Variants in CFAP61 observed in about 807,000 individuals in gnomAD.
CFAP61 encodes cilia and flagella associated protein 61.
Under a neutral mutation model 135.6 loss-of-function variants are expected in CFAP61, and 107 were observed. The ratio of observed to expected loss-of-function variants is 0.79; its 90% CI spans 0.67 to 0.93. The LOEUF is 0.93. Among genes scored for constraint, CFAP61 ranks in the 40% least tolerant of loss-of-function variants. CFAP61 has a pLI of 0.00. For missense variants in CFAP61, 1,507 were observed against 1,556.2 expected, an observed-to-expected ratio of 0.97 and a Z score of 0.53; for synonymous variants, 575 against 578.5, an observed-to-expected ratio of 0.99 and a Z score of 0.09.
At chr20:20,085,467 A>G in intron 6 of CFAP61, 1 of 1,366,598 alleles carries the variant, frequency 7.3e-7, no homozygotes, top group Non-Finnish European at 9.8e-7. Context: ...GAAAGGGCTT[A>G]AGAGAGAGCC....
At chr20:20,158,346 T>C (rs1250899510) in intron 9 of CFAP61, among the ~76,000 whole-genome samples, 2 of 78,488 alleles carry the variant, frequency 2.5e-5, no homozygotes, top group African/African-American at 1.1e-4. Context: ...CAAGTGGACC[T>C]TTGAAAAAAA....
At chr20:20,312,288 G>A (rs1178946338) in intron 25 of CFAP61, among the ~76,000 whole-genome samples, 5 of 152,182 alleles carry the variant, frequency 3.3e-5, no homozygotes, top group African/African-American at 1.2e-4. Flanking sequence ...TGCATTCCAT[G>A]TGATTAAAAA....
intron 21 of CFAP61, chr20:20,265,501 T>G: frequency 1.3e-6 from 1 of 779,658 alleles, no homozygotes; most frequent in Non-Finnish European, 2.4e-6. Flanking sequence ...AGGGAAATGT[T>G]TTTTCAAGAT....
rs1406904105 is a variant in CFAP61, at chr20:20,359,840, C to A, written c.3514-370C>A. Among the ~76,000 whole-genome samples the A allele has an allele frequency of 2.0e-5, 3 of 152,066 alleles. No homozygotes were observed. The highest frequency in any genetic ancestry group is 4.4e-5 in the Non-Finnish European group (3 of 67,994). On this transcript the variant is annotated intron_variant, in intron 26 of 26. Coordinates refer to ENST00000245957, the MANE Select transcript of CFAP61 (RefSeq NM_015585.4). The surrounding 1 kb of genome is among the most constrained non-coding windows in gnomAD (Gnocchi z 4.0). Reference sequence around the variant, plus strand: ...TACAGGGTTCCACTCATATGAGATGCCTGCGTAGTCACATTCATAGAGACA... The same window carrying A: ...TACAGGGTTCCACTCATATGAGATGACTGCGTAGTCACATTCATAGAGACA...
chr20:20,208,525 C>G lies in CFAP61; in HGVS notation c.1932+8623C>G, dbSNP rs139189626. The stretch of plus-strand genomic sequence containing the variant: ...TCTTGTCTCTTCCTAACTCTCGTGC[C>G]CCTTCCACTTAGCATCTATATAGCT... On this transcript the variant is annotated intron_variant, in intron 17 of 26. Transcript: ENST00000245957. Among the ~76,000 whole-genome samples, 313 of 152,306 alleles carry G rather than the reference C, an allele frequency of 2.1e-3. 1 individual carries two copies. Among genetic ancestry groups the G allele is most frequent in the African/African-American group, 7.1e-3 (297 of 41,564 alleles).
At chr20:20,322,584 G>A (rs2057572738) in intron 25 of CFAP61, 3 of 554,384 alleles carry the variant, frequency 5.4e-6, no homozygotes, top group Admixed American at 6.3e-5. Flanking sequence ...TGTAAAGGAG[G>A]AAAGAGGGAA....
At chr20:20,060,348 A>G (rs1196002204) in intron 2 of CFAP61, among the ~76,000 whole-genome samples, 1 of 152,226 alleles carries the variant, frequency 6.6e-6, no homozygotes, top group African/African-American at 2.4e-5. Context: ...TTTTGGAGGA[A>G]CAGAGAATAC....
At chr20:20,128,136 G>T (rs1321865369) in intron 8 of CFAP61, among the ~76,000 whole-genome samples, 3 of 151,762 alleles carry the variant, frequency 2.0e-5, no homozygotes, top group Non-Finnish European at 2.9e-5. Flanking sequence ...AAAGGGCTTG[G>T]TTCTTCCCCC....
In CFAP61 at chr20:20,186,701, TACAG is replaced by T. The variant is rs761553897; in HGVS notation, c.1386-1227_1386-1224del. Among the ~76,000 whole-genome samples, 743 of 152,156 alleles carry T rather than the reference TACAG, an allele frequency of 4.9e-3. 3 individuals carry two copies. Among genetic ancestry groups the T allele is most frequent in the African/African-American group, 0.017 (711 of 41,416 alleles). ...CATCTTTTTATTAGTTAATTATAGA[TACAG>T]ATATTGTTCTTTGCAAATATGATAC... On this transcript the variant is annotated intron_variant, in intron 13 of 26. Coordinates refer to ENST00000245957, the MANE Select transcript of CFAP61 (RefSeq NM_015585.4).
chr20:20,055,875 G>T, intron 1 of CFAP61: 1 of 1,155,080 alleles, frequency 8.7e-7, no homozygotes, highest in Non-Finnish European at 1.3e-6. Flanking sequence ...GGAAAGAAGG[G>T]AGGGAAAGAG....
In CFAP61 at chr20:20,153,362, T is replaced by G. The variant is rs185173121; in HGVS notation, c.952-6008T>G. ...CCCAAACCCAACAGAAGAAAAGAAA[T>G]AAAAAGATCAGAACAGGACTAAATG... On this transcript the variant is annotated intron_variant, in intron 9 of 26. Transcript: ENST00000245957. Among the ~76,000 whole-genome samples, 751 of 150,838 alleles carry G rather than the reference T, an allele frequency of 5.0e-3. 4 individuals carry two copies. Among genetic ancestry groups the G allele is most frequent in the African/African-American group, 0.017 (718 of 41,108 alleles).
chr20:20,169,043 A>G lies in CFAP61; in HGVS notation c.1246-278A>G, dbSNP rs149305053. On this transcript the variant is annotated intron_variant, in intron 12 of 26. Transcript: ENST00000245957. ...TATGAATTGTCTTGGTTTAAAAACT[A>G]CTTCCACAGAAGAGTTATGCTGAAT... Among the ~76,000 whole-genome samples the G allele has an allele frequency of 2.2e-3, 342 of 152,266 alleles. 2 individuals are homozygous for G. The highest frequency in any genetic ancestry group is 7.7e-3 in the African/African-American group (320 of 41,528).
intron 25 of CFAP61, among the ~76,000 whole-genome samples, chr20:20,303,205 AC>A: frequency 6.6e-6 from 1 of 152,334 alleles, no homozygotes; most frequent in Middle Eastern, 3.4e-3. Context: ...AAATGTTTTC[AC>A]ATTTGACCAT....
chr20:20,180,022 A>G (rs2054932076), intron 13 of CFAP61, among the ~76,000 whole-genome samples: 1 of 152,244 alleles, frequency 6.6e-6, no homozygotes, highest in Non-Finnish European at 1.5e-5. Flanking sequence ...AAATTGACAC[A>G]TGGTATCTAA....
chr20:20,101,827 C>G (rs972395207), intron 8 of CFAP61, among the ~76,000 whole-genome samples: 2 of 152,068 alleles, frequency 1.3e-5, no homozygotes, highest in African/African-American at 4.8e-5. Context: ...CAGAGTTCAT[C>G]ATGTTGGCCA....
chr20:20,321,737 T>C (rs1842774934), intron 25 of CFAP61, among the ~76,000 whole-genome samples: 1 of 152,162 alleles, frequency 6.6e-6, no homozygotes, highest in African/African-American at 2.4e-5. Flanking sequence ...CCAGTTTCCT[T>C]GGAGAGTGAT....
intron 8 of CFAP61, among the ~76,000 whole-genome samples, chr20:20,101,736 C>T (rs2048038551): frequency 6.6e-6 from 1 of 152,058 alleles, no homozygotes; most frequent in Non-Finnish European, 1.5e-5. Flanking sequence ...GGTGAGTCTC[C>T]TGCCTCAGCC....
intron 17 of CFAP61, chr20:20,225,676 T>C (rs1306467810): frequency 6.6e-6 from 1 of 152,244 alleles, no homozygotes; most frequent in Non-Finnish European, 1.5e-5. Context: ...TGTCTGAACA[T>C]ATCTCCTTTT....
At chr20:20,288,498 A>T (rs1166766506) in intron 22 of CFAP61, 111 bp from the exon 23 acceptor site, 5 of 796,616 alleles carry the variant, frequency 6.3e-6, no homozygotes, top group African/African-American at 3.4e-5. Flanking sequence ...AACTTTTAGT[A>T]TGTGTATTTT....
Sources: allele counts gnomAD v4.1 joint callset (sites outside exome capture counted in the v4.1 genomes callset), GRCh38; gene constraint gnomAD v4.1.1; non-coding constraint Gnocchi (gnomAD v3.1); transcripts MANE v1.5; gene names NCBI Gene and HGNC (gene_info 2026-07-23, HGNC 2026-07-21).